HPSE2: variants seen among roughly 807,000 people sequenced by gnomAD.
HPSE2 encodes the protein inactive heparanase-2.
In HPSE2, 38 loss-of-function variants were observed where a neutral mutation model predicts 60.5. The ratio of observed to expected loss-of-function variants is 0.63; its 90% CI spans 0.48 to 0.82. The LOEUF (loss-of-function observed/expected upper bound fraction) is 0.82, where lower values mean the gene tolerates loss of function less well. Ranked by LOEUF, HPSE2 falls within the 40% of genes least tolerant of loss-of-function variation. The probability of loss-of-function intolerance (pLI) is 0.00; values close to 1 mark genes in which losing one functional copy is unlikely to be tolerated. For synonymous variants in HPSE2, 295 were observed against 293.2 expected, an observed-to-expected ratio of 1.01 and a Z score of -0.06; for missense variants, 713 against 740.4, an observed-to-expected ratio of 0.96 and a Z score of 0.43.
At chr10:99,260,323 G>A in the HPSE2 span, among the ~76,000 whole-genome samples, 25 of 151,808 alleles carry the variant, frequency 1.6e-4, no homozygotes, top group South Asian at 1.3e-3. Flanking sequence ...ACACAGATGC[G>A]CGTGACATTT....
chr10:98,521,496 G>C (rs1381950727), intron 9 of HPSE2, among the ~76,000 whole-genome samples: 1 of 152,174 alleles, frequency 6.6e-6, no homozygotes, highest in African/African-American at 2.4e-5. Flanking sequence ...AGGTGCTGGA[G>C]AGGATGTGGA....
At chr10:98,830,569 T>G (rs550111844) in intron 3 of HPSE2, among the ~76,000 whole-genome samples, 29 of 152,344 alleles carry the variant, frequency 1.9e-4, no homozygotes, top group African/African-American at 6.5e-4. Flanking sequence ...AAAATTATGC[T>G]TGATAGCTAC....
At chr10:99,101,486 A>G (rs1843983948) in intron 3 of HPSE2, among the ~76,000 whole-genome samples, 1 of 152,198 alleles carries the variant, frequency 6.6e-6, no homozygotes, top group Non-Finnish European at 1.5e-5. Flanking sequence ...CAGATTCACA[A>G]AGCAAGTCCT....
rs534500957 is a variant in HPSE2, at chr10:98,711,359, C to A, written c.956+10298G>T. 2.0e-5 allele frequency among the ~76,000 whole-genome samples: 3 copies of A among 152,224 alleles called. No individual in the cohort carries two copies. The East Asian group carries it at 5.8e-4, about 29-fold the overall frequency. On this transcript the variant is annotated intron_variant, in intron 5 of 11. Coordinates refer to ENST00000370552, the MANE Select transcript of HPSE2 (RefSeq NM_021828.5). ...TTTGGAGCTCAAGCCCTGCTATAAA[C>A]CTGACTGTAAGTGTGAACATTGAGG...
chr10:98,773,182 T>C (rs1297701625), intron 3 of HPSE2, among the ~76,000 whole-genome samples: 10 of 152,196 alleles, frequency 6.6e-5, no homozygotes, highest in African/African-American at 2.2e-4. Flanking sequence ...AATCTATTCC[T>C]TTACAGTTTA....
intron 3 of HPSE2, among the ~76,000 whole-genome samples, chr10:98,942,149 C>A (rs1334649223): frequency 1.4e-5 from 2 of 138,136 alleles, no homozygotes; most frequent in Non-Finnish European, 3.1e-5. Context: ...CTAGGCATTA[C>A]CATTCAGGAC....
At chr10:98,706,497 T>G (rs1273725163) in intron 5 of HPSE2, among the ~76,000 whole-genome samples, 1 of 152,114 alleles carries the variant, frequency 6.6e-6, no homozygotes, top group Non-Finnish European at 1.5e-5. Flanking sequence ...ATACCAAAAT[T>G]TCTGTGTGCT....
chr10:98,521,401 C>T (rs10786435), intron 9 of HPSE2, among the ~76,000 whole-genome samples: 5 of 152,148 alleles, frequency 3.3e-5, no homozygotes, highest in Non-Finnish European at 7.4e-5. Context: ...CATCACTGAT[C>T]ACCAGAGAAA....
intron 6 of HPSE2, among the ~76,000 whole-genome samples, chr10:98,682,467 C>CT (rs1227751408): frequency 6.6e-6 from 1 of 152,156 alleles, no homozygotes; most frequent in East Asian, 1.9e-4. Flanking sequence ...CTTAAATGTG[C>CT]TTGTGACACC....
chr10:98,550,681 A>G (rs1943836594), intron 9 of HPSE2, among the ~76,000 whole-genome samples: 1 of 152,040 alleles, frequency 6.6e-6, no homozygotes, highest in Non-Finnish European at 1.5e-5. Flanking sequence ...TCACTGTGTT[A>G]GTCAGGATGG....
rs908312115 is a variant in HPSE2, at chr10:98,465,076, G to T, written c.1614-5337C>A. On this transcript the variant is annotated intron_variant, in intron 11 of 11. Coordinates refer to ENST00000370552, the MANE Select transcript of HPSE2 (RefSeq NM_021828.5). ...CCTTCATTATAAAGATGGGCCATGT[G>T]CTTTATCACTTCCATTCTATTCTTC... is the stretch of plus-strand genomic sequence containing the variant. 5.9e-5 allele frequency among the ~76,000 whole-genome samples: 9 copies of T among 152,274 alleles called. No homozygotes were observed. The South Asian group carries it at 1.7e-3, about 28-fold the overall frequency.
chr10:98,652,716 C>T (rs1194498966), intron 6 of HPSE2, among the ~76,000 whole-genome samples: 3 of 152,198 alleles, frequency 2.0e-5, no homozygotes, highest in Non-Finnish European at 2.9e-5. Context: ...TCTGTTCAGC[C>T]TTCTCCACAC....
At chr10:99,243,979 A>T in the HPSE2 span, among the ~76,000 whole-genome samples, 1 of 152,264 alleles carries the variant, frequency 6.6e-6, no homozygotes. Flanking sequence ...AGATTAATGG[A>T]CCTGTAATAA....
the HPSE2 span, among the ~76,000 whole-genome samples, chr10:99,294,088 T>A: frequency 2.0e-5 from 3 of 152,228 alleles, no homozygotes; most frequent in Non-Finnish European, 2.9e-5. Flanking sequence ...TTATCTCAGG[T>A]GAATGCGGCA....
At chr10:98,827,136 G>A (rs1951567613) in intron 3 of HPSE2, among the ~76,000 whole-genome samples, 1 of 147,522 alleles carries the variant, frequency 6.8e-6, no homozygotes, top group African/African-American at 2.5e-5. Flanking sequence ...AGGCAACAGA[G>A]CAAGACCCTG....
chr10:98,817,594 A>C (rs1951321121), intron 3 of HPSE2, among the ~76,000 whole-genome samples: 1 of 152,160 alleles, frequency 6.6e-6, no homozygotes. Context: ...AAAGTCCTTG[A>C]AGCTCTGGTT....
chr10:98,882,463 C>T (rs1953050452), intron 3 of HPSE2, among the ~76,000 whole-genome samples: 2 of 151,928 alleles, frequency 1.3e-5, no homozygotes, highest in Non-Finnish European at 2.9e-5. Context: ...CTAGGCTTGG[C>T]TTCAGATTGT....
intron 2 of HPSE2, among the ~76,000 whole-genome samples, chr10:99,153,956 C>A (rs148753825): frequency 0.49 from 74,806 of 151,792 alleles, 20,905 homozygotes; most frequent in East Asian, 0.65. Context: ...GTGAAGAATG[C>A]AGAAGCCTCA....
At chr10:99,184,819 T>TATATATAG (rs1554912295) in intron 2 of HPSE2, among the ~76,000 whole-genome samples, 8 of 19,864 alleles carry the variant, frequency 4.0e-4, no homozygotes, top group Admixed American at 1.4e-3. Flanking sequence ...TATATATATA[T>TATATATAG]AGAGAGAGAG....
Sources: gnomAD v4.1 joint callset for allele counts (sites outside exome capture counted in the v4.1 genomes callset) on GRCh38, gnomAD v4.1.1 for gene constraint, MANE v1.5 for transcripts, NCBI Gene and HGNC (gene_info 2026-07-23, HGNC 2026-07-21) for gene names.